The following CRPPA variants were observed in gnomAD, a reference collection of about 807,000 sequenced individuals.
CRPPA encodes D-ribitol-5-phosphate cytidylyltransferase.
Under a neutral mutation model 52.0 loss-of-function variants are expected in CRPPA, and 43 were observed. That is an observed-to-expected ratio of 0.83 (90% confidence interval 0.65 to 1.07). The LOEUF (loss-of-function observed/expected upper bound fraction) is 1.07, where lower values mean the gene tolerates loss of function less well. Among genes scored for constraint, CRPPA ranks in the 50% least tolerant of loss-of-function variants. The pLI, the probability that CRPPA is intolerant of heterozygous loss-of-function variation, is 0.00. For missense variants in CRPPA, 629 were observed against 551.7 expected (o/e 1.14, Z -1.40); for synonymous variants, 250 against 203.5 (o/e 1.23, Z -1.94).
At chr7:16,180,353 A>T (rs916120415) in intron 9 of CRPPA, among the ~76,000 whole-genome samples, 23 of 152,084 alleles carry the variant, frequency 1.5e-4, no homozygotes, top group Non-Finnish European at 3.2e-4. Flanking sequence ...ATTTTCCATA[A>T]CTCTTAATTA....
intron 5 of CRPPA, among the ~76,000 whole-genome samples, chr7:16,294,057 T>C (rs887317904): frequency 6.6e-6 from 1 of 152,020 alleles, no homozygotes; most frequent in Admixed American, 6.6e-5. Flanking sequence ...TGGTGTTCTC[T>C]ACTCATCAGA....
chr7:16,182,281 TA>T (rs1208462206), intron 9 of CRPPA, among the ~76,000 whole-genome samples: 1 of 151,910 alleles, frequency 6.6e-6, no homozygotes, highest in African/African-American at 2.4e-5. Flanking sequence ...CTAATAATTT[TA>T]ATTAGTAAAG....
intron 9 of CRPPA, among the ~76,000 whole-genome samples, chr7:16,180,661 C>T (rs1029239428): frequency 3.3e-5 from 5 of 152,018 alleles, no homozygotes; most frequent in Non-Finnish European, 7.4e-5. Context: ...TGAGGTTTCA[C>T]TGTGAAATGC....
chr7:16,162,095 C>G (rs971006845), intron 9 of CRPPA, among the ~76,000 whole-genome samples: 1 of 151,874 alleles, frequency 6.6e-6, no homozygotes, highest in Non-Finnish European at 1.5e-5. Context: ...ATTGGTATGG[C>G]TACTGGTCTA....
rs909976918 is a variant in CRPPA, at chr7:16,421,298, C to T, written c.25G>A (p.Ala9Thr). MEAGPPGS[A>T]RPAEPGPCLS... ...CAAGGACCCGGCTCCGCCGGCCTGG[C>T]GCTGCCCGGCGGCCCGGCCTCCATG... Residue 9 changes from alanine to threonine, a missense_variant, in exon 1 of 10, where the codon GCC becomes ACC. Transcript: ENST00000407010. 3.2e-6 allele frequency: 4 copies of T among 1,264,756 alleles called. No individual in the cohort carries two copies. Among genetic ancestry groups the T allele is most frequent in the Non-Finnish European group, 4.0e-6 (4 of 1,000,514 alleles). The allele number at this position is 1,264,756 out of a possible 1,614,324, so 78.3% of individuals were successfully genotyped here. A position where few individuals can be genotyped will look rare whatever the true frequency, so the allele number is the denominator to read the frequency against.
intron 3 of CRPPA, among the ~76,000 whole-genome samples, chr7:16,309,611 T>C (rs1284273816): frequency 1.3e-5 from 2 of 152,086 alleles, no homozygotes; most frequent in African/African-American, 4.8e-5. Flanking sequence ...TAATTTTTTT[T>C]CTTCTTTTTT....
At chr7:16,138,775 A>AC (rs1001458967) in intron 9 of CRPPA, among the ~76,000 whole-genome samples, 32 of 151,650 alleles carry the variant, frequency 2.1e-4, no homozygotes, top group African/African-American at 6.5e-4. Flanking sequence ...GGGCCCATTT[A>AC]CCCCCCCACA....
chr7:16,418,010 C>T (rs949921825), intron 1 of CRPPA, among the ~76,000 whole-genome samples: 1 of 152,112 alleles, frequency 6.6e-6, no homozygotes, highest in African/African-American at 2.4e-5. Flanking sequence ...TTTATACTTC[C>T]ATGTCCTTTT....
At chr7:16,180,551 T>C (rs1781391229) in intron 9 of CRPPA, among the ~76,000 whole-genome samples, 1 of 152,090 alleles carries the variant, frequency 6.6e-6, no homozygotes, top group Admixed American at 6.6e-5. Context: ...TCTCATTACA[T>C]GCGCATGTGG....
chr7:16,110,500 C>A (rs1782238966), intron 9 of CRPPA, among the ~76,000 whole-genome samples: 1 of 152,102 alleles, frequency 6.6e-6, no homozygotes, highest in Non-Finnish European at 1.5e-5. Context: ...CTGAAGGCAT[C>A]ACAATACCTG....
chr7:16,275,861 A>C (rs978880151), intron 6 of CRPPA, among the ~76,000 whole-genome samples: 3 of 151,838 alleles, frequency 2.0e-5, no homozygotes, highest in African/African-American at 7.2e-5. Context: ...TATGAATGAC[A>C]GAAAGAAAGA....
intron 3 of CRPPA, 129 bp from the exon 4 acceptor site, chr7:16,308,756 T>A (rs1784971730): frequency 1.6e-6 from 1 of 631,368 alleles, no homozygotes; most frequent in Non-Finnish European, 2.8e-6. Context: ...AATCAGCTAC[T>A]GACTGAGTTA....
At chr7:16,113,043 T>G (rs890899614) in intron 9 of CRPPA, among the ~76,000 whole-genome samples, 2 of 151,852 alleles carry the variant, frequency 1.3e-5, no homozygotes, top group Non-Finnish European at 2.9e-5. Context: ...GTAAAATATT[T>G]AAATAAATAA....
intron 3 of CRPPA, among the ~76,000 whole-genome samples, chr7:16,337,505 G>A (rs1785715546): frequency 6.6e-6 from 1 of 151,932 alleles, no homozygotes; most frequent in African/African-American, 2.4e-5. Flanking sequence ...CTATATCAAG[G>A]TAGATCACAA....
chr7:16,181,721 C>A (rs1411920444), intron 9 of CRPPA, among the ~76,000 whole-genome samples: 1 of 151,960 alleles, frequency 6.6e-6, no homozygotes, highest in Non-Finnish European at 1.5e-5. Flanking sequence ...AAGGATATTT[C>A]ACAACATATG....
chr7:16,141,024 C>T (rs1306055274), intron 9 of CRPPA, among the ~76,000 whole-genome samples: 1 of 152,172 alleles, frequency 6.6e-6, no homozygotes, highest in East Asian at 1.9e-4. Context: ...ACCTTCCCCA[C>T]TTGTCTAAGA....
At chr7:16,207,880 C>T (rs901460282) in intron 9 of CRPPA, among the ~76,000 whole-genome samples, 5 of 152,048 alleles carry the variant, frequency 3.3e-5, no homozygotes, top group African/African-American at 9.7e-5. Context: ...CAGTGTTTTC[C>T]GTAAGTCCAC....
intron 2 of CRPPA, among the ~76,000 whole-genome samples, chr7:16,392,309 G>A (rs1457193264): frequency 1.3e-5 from 2 of 152,082 alleles, no homozygotes; most frequent in African/African-American, 2.4e-5. Flanking sequence ...AGAAATGTCA[G>A]CCTTACAAAA....
chr7:16,307,698 A>T (rs1464760311), intron 4 of CRPPA, among the ~76,000 whole-genome samples: 1 of 150,756 alleles, frequency 6.6e-6, no homozygotes, highest in Non-Finnish European at 1.5e-5. Flanking sequence ...AAAAAAAAAA[A>T]AAGAAGCAAG....
Sources: gnomAD v4.1 joint callset for allele counts (sites outside exome capture counted in the v4.1 genomes callset) on GRCh38, gnomAD v4.1.1 for gene constraint, MANE v1.5 for transcripts, NCBI Gene and HGNC (gene_info 2026-07-23, HGNC 2026-07-21) for gene names.